HLA-DRB1: variants seen among roughly 807,000 people sequenced by gnomAD.
The protein encoded by HLA-DRB1 is major histocompatibility complex, class II, DR beta 1.
HLA-DRB1 carries 10 observed loss-of-function variants against 27.9 expected under a neutral mutation model. That is an observed-to-expected ratio of 0.36 (90% CI 0.22 to 0.61). HLA-DRB1 has a LOEUF of 0.61. Ranked by LOEUF, HLA-DRB1 falls within the 20% of genes least tolerant of loss-of-function variation. The probability of loss-of-function intolerance (pLI) is 0.73; values close to 1 mark genes in which losing one functional copy is unlikely to be tolerated. For missense variants in HLA-DRB1, 118 were observed against 306.3 expected, an observed-to-expected ratio of 0.39 and a Z score of 4.59; for synonymous variants, 57 against 126.7, an observed-to-expected ratio of 0.45 and a Z score of 3.69.
At chr6:32,583,408 T>C (rs41284699) in intron 2 of HLA-DRB1, among the ~76,000 whole-genome samples, 885 of 40,578 alleles carry the variant, frequency 0.022, 17 homozygotes, top group Middle Eastern at 0.043. Context: ...TATAATAAAA[T>C]AGTAACCGTG....
intron 1 of HLA-DRB1, among the ~76,000 whole-genome samples, chr6:32,588,291 A>T: frequency 7.7e-6 from 1 of 129,898 alleles, no homozygotes; most frequent in African/African-American, 2.7e-5. Context: ...TCTCATGTCT[A>T]CCAAAATTAC....
intron 3 of HLA-DRB1, among the ~76,000 whole-genome samples, 176 bp downstream of exon 3, chr6:32,581,381 G>A (rs41292704): frequency 6.5e-4 from 47 of 72,370 alleles, no homozygotes; most frequent in East Asian, 1.6e-3. Context: ...TTCTCCAGGA[G>A]GTACAGGTGT....
rs1186602109 is a variant in HLA-DRB1 at position 32,581,342 on chromosome 6, AGTCTCTCCCGCCTGG to A, written c.652+200_652+214del. On this transcript the variant is annotated intron_variant, in intron 3 of 5. Coordinates refer to ENST00000360004, the Ensembl canonical transcript of HLA-DRB1. ...TCATGGGGAGGTTCAAAAGAGGGAC[AGTCTCTCCCGCCTGG>A]CAGGCGAGACTGCTTCTCCAGGAGG... 8.8e-3 allele frequency among the ~76,000 whole-genome samples: 840 copies of A among 95,832 alleles called. 32 individuals are homozygous for A. The highest frequency in any genetic ancestry group is 0.014 in the Middle Eastern group (2 of 142). The allele number at this position is 95,832 out of a possible 152,430, so 62.9% of individuals were successfully genotyped here.
chr6:32,586,580 A>C, intron 1 of HLA-DRB1, among the ~76,000 whole-genome samples: 1 of 56,248 alleles, frequency 1.8e-5, no homozygotes, highest in Admixed American at 2.0e-4. Flanking sequence ...TTCTTCACAC[A>C]ATCCATCTCC....
intron 1 of HLA-DRB1, among the ~76,000 whole-genome samples, chr6:32,586,985 C>A (rs114856598): frequency 1.2e-5 from 1 of 81,494 alleles, no homozygotes; most frequent in Non-Finnish European, 2.5e-5. Context: ...AGCCACAAAC[C>A]TGTTTTCCCT....
intron 1 of HLA-DRB1, 61 bp from the exon 2 acceptor site, chr6:32,584,439 G>C (rs1776082133): frequency 1.4e-6 from 1 of 709,304 alleles, no homozygotes; most frequent in Admixed American, 3.9e-5. Flanking sequence ...GGACAGCGAC[G>C]CCACCATCCG....
At chr6:32,586,846 A>C in intron 1 of HLA-DRB1, among the ~76,000 whole-genome samples, 1 of 92,436 alleles carries the variant, frequency 1.1e-5, no homozygotes, top group Non-Finnish European at 2.2e-5. Flanking sequence ...TGTCAAAAGA[A>C]AATCCTTAGG....
intron 2 of HLA-DRB1, among the ~76,000 whole-genome samples, chr6:32,583,707 T>C (rs1775884928): frequency 1.5e-5 from 1 of 66,552 alleles, no homozygotes; most frequent in Non-Finnish European, 3.0e-5. Flanking sequence ...CCCCTAAACC[T>C]TCACCCCAAC....
chr6:32,588,210 T>C (rs17210202), intron 1 of HLA-DRB1, among the ~76,000 whole-genome samples: 26,778 of 133,860 alleles, frequency 0.2, 1,543 homozygotes, highest in East Asian at 0.27. Flanking sequence ...AATCCTAGCA[T>C]GTTGGGAGGC....
At chr6:32,583,391 C>G (rs9269899) in intron 2 of HLA-DRB1, among the ~76,000 whole-genome samples, 1 of 31,842 alleles carries the variant, frequency 3.1e-5, no homozygotes, top group African/African-American at 1.1e-4. Context: ...TAGAAAACTA[C>G]CAGCATTATA....
At position 32,582,859 on chromosome 6, in the gene HLA-DRB1, A is replaced by T. The variant is rs1392935842; in HGVS notation, c.371-1021T>A. ...CCCCGACACTAGCATACTCTCAATA[A>T]ATACAACTATTTTTTTAGAAGTAAG... On this transcript the variant is annotated intron_variant, in intron 2 of 5. Coordinates refer to ENST00000360004, the Ensembl canonical transcript of HLA-DRB1. 2.1e-4 allele frequency among the ~76,000 whole-genome samples: 9 copies of T among 42,596 alleles called. 1 individual carries two copies. Among genetic ancestry groups the T allele is most frequent in the Non-Finnish European group, 3.5e-4 (7 of 20,144 alleles). The allele number at this position is 42,596 out of a possible 152,430, so 27.9% of individuals were successfully genotyped here. A position where few individuals can be genotyped will look rare whatever the true frequency, so the allele number is the denominator to read the frequency against.
intron 3 of HLA-DRB1, 136 bp from the exon 4 acceptor site, chr6:32,580,992 A>G: frequency 1.8e-6 from 1 of 557,376 alleles, no homozygotes. Flanking sequence ...TTTCAGGAGA[A>G]AAAAAGGATT....
intron 2 of HLA-DRB1, among the ~76,000 whole-genome samples, chr6:32,582,280 G>T (rs1775653864): frequency 8.4e-6 from 1 of 118,672 alleles, no homozygotes; most frequent in Non-Finnish European, 1.8e-5. Context: ...GTTATATGAG[G>T]ATTAATGCAC....
At chr6:32,586,840 A>G in intron 1 of HLA-DRB1, among the ~76,000 whole-genome samples, 1 of 93,226 alleles carries the variant, frequency 1.1e-5, no homozygotes. Context: ...TTTATTTGTC[A>G]AAAGAAAATC....
At chr6:32,585,175 GCAA>G (rs1776219337) in intron 1 of HLA-DRB1, among the ~76,000 whole-genome samples, 1 of 83,378 alleles carries the variant, frequency 1.2e-5, no homozygotes, top group Admixed American at 1.2e-4. Context: ...AATGATAAAT[GCAA>G]AATGAATGAA....
intron 1 of HLA-DRB1, among the ~76,000 whole-genome samples, chr6:32,588,100 G>T (rs1296510260): frequency 6.8e-5 from 9 of 132,922 alleles, no homozygotes; most frequent in African/African-American, 2.6e-4. Flanking sequence ...CCTTCTAGTT[G>T]GAAGAAGAAT....
chr6:32,584,015 TCTCACACACA>T (rs1561814628), intron 2 of HLA-DRB1, 84 bp downstream of exon 2: 4 of 267,960 alleles, frequency 1.5e-5, no homozygotes, highest in African/African-American at 1.0e-4. Context: ...TCTGTCTCTC[TCTCACACACA>T]CACACACACA....
chr6:32,586,185 C>T (rs879752098), intron 1 of HLA-DRB1, among the ~76,000 whole-genome samples: 20,413 of 105,936 alleles, frequency 0.19, 311 homozygotes, highest in Middle Eastern at 0.34. Flanking sequence ...GGTCCTCCTC[C>T]TTCTCTTCAG....
chr6:32,586,186 T>A (rs201844920), intron 1 of HLA-DRB1, among the ~76,000 whole-genome samples: 10 of 106,642 alleles, frequency 9.4e-5, no homozygotes, highest in Non-Finnish European at 1.4e-4. Flanking sequence ...GTCCTCCTCC[T>A]TCTCTTCAGC....
Sources: gnomAD v4.1 joint callset for allele counts (sites outside exome capture counted in the v4.1 genomes callset) on GRCh38, gnomAD v4.1.1 for gene constraint, MANE v1.5 for transcripts, NCBI Gene and HGNC (gene_info 2026-07-23, HGNC 2026-07-21) for gene names.